Variants in ABAT observed in about 807,000 individuals in gnomAD.
The protein encoded by ABAT is 4-aminobutyrate aminotransferase.
A neutral mutation model predicts 64.6 loss-of-function variants in ABAT; 45 were observed. That is an observed-to-expected ratio of 0.70 (90% CI 0.55 to 0.89). ABAT has a LOEUF of 0.89. Among genes scored for constraint, ABAT ranks in the 40% least tolerant of loss-of-function variants. The pLI is 0.00. For synonymous variants in ABAT, 297 were observed against 250.5 expected, an observed-to-expected ratio of 1.19 and a Z score of -1.75; for missense variants, 633 against 658.4, an observed-to-expected ratio of 0.96 and a Z score of 0.42.
intron 4 of ABAT, among the ~76,000 whole-genome samples, chr16:8,749,710 T>C (rs2059426252): frequency 1.3e-5 from 2 of 150,358 alleles, no homozygotes; most frequent in Middle Eastern, 3.5e-3. Flanking sequence ...TGTTCCTCTT[T>C]TAATGTTTTT....
At chr16:8,779,616 G>A in intron 15 of ABAT, 26 bp downstream of exon 15, 1 of 1,581,238 alleles carries the variant, frequency 6.3e-7, no homozygotes, top group Non-Finnish European at 8.7e-7. Flanking sequence ...TGGCTGCTGA[G>A]TTTCATGAGC....
At chr16:8,746,667 G>C (rs889063790) in intron 3 of ABAT, among the ~76,000 whole-genome samples, 3 of 151,586 alleles carry the variant, frequency 2.0e-5, no homozygotes, top group Non-Finnish European at 4.4e-5. Flanking sequence ...AGGCGAGATG[G>C]TGCCTCTGCA....
At chr16:8,690,670 T>C (rs2141971789) in intron 1 of ABAT, among the ~76,000 whole-genome samples, 1 of 152,316 alleles carries the variant, frequency 6.6e-6, no homozygotes, top group Middle Eastern at 3.4e-3. Context: ...GCCTTTTAAA[T>C]TTGGCAGCCA....
Position 8,764,270 on chromosome 16 carries a change from A to C in ABAT, c.447+121A>C. On this transcript the variant is annotated intron_variant, in intron 7 of 15. Transcript: ENST00000268251. The surrounding 1 kb of genome is among the most constrained non-coding windows in gnomAD (Gnocchi z 4.2). ...TACAGAAATCTTTCTCTCTGAGCTT[A>C]TTCTTCCATGCAGAGTATTTTAAAT... 1 of 881,384 alleles carries C rather than the reference A, an allele frequency of 1.1e-6. No individual in the cohort carries two copies. Among genetic ancestry groups the C allele is most frequent in the Non-Finnish European group, 1.9e-6 (1 of 539,970 alleles). The allele number at this position is 881,384 out of a possible 1,614,324, so 54.6% of individuals were successfully genotyped here. A position where few individuals can be genotyped will look rare whatever the true frequency, so the allele number is the denominator to read the frequency against.
At position 8,754,179 on chromosome 16, in the gene ABAT, T is replaced by TAAAAAAAAAAAAAAAAAAAA. The variant is rs750745519; in HGVS notation, c.317-3571_317-3552dup. On this transcript the variant is annotated intron_variant, in intron 5 of 15. Coordinates refer to ENST00000268251, the MANE Select transcript of ABAT (RefSeq NM_020686.6). The stretch of plus-strand genomic sequence containing the variant: ...AGCCAACATGTTGAAACCCTGTCTA[T>TAAAAAAAAAAAAAAAAAAAA]AAAAAAAAAAAAAAAAAAAAAAAAA... 3.1e-5 allele frequency among the ~76,000 whole-genome samples: 2 copies of TAAAAAAAAAAAAAAAAAAAA among 63,822 alleles called. 1 individual carries two copies. Among genetic ancestry groups the TAAAAAAAAAAAAAAAAAAAA allele is most frequent in the Non-Finnish European group, 5.7e-5 (2 of 34,896 alleles). The allele number at this position is 63,822 out of a possible 152,430, so 41.9% of individuals were successfully genotyped here. A position where few individuals can be genotyped will look rare whatever the true frequency, so the allele number is the denominator to read the frequency against.
At chr16:8,775,154 G>C in intron 13 of ABAT, 97 bp downstream of exon 13, 2 of 1,532,798 alleles carry the variant, frequency 1.3e-6, no homozygotes, top group Non-Finnish European at 1.8e-6. Context: ...AGCTGGGTGG[G>C]CACTTACTGG....
At chr16:8,738,610 G>GT (rs1481834240) in intron 2 of ABAT, among the ~76,000 whole-genome samples, 2 of 122,050 alleles carry the variant, frequency 1.6e-5, no homozygotes, top group African/African-American at 7.3e-5. Context: ...TTTTGTTTTT[G>GT]TTTTTGTTTT....
intron 1 of ABAT, among the ~76,000 whole-genome samples, chr16:8,728,396 A>C (rs552921419): frequency 7.2e-5 from 11 of 152,296 alleles, no homozygotes; most frequent in African/African-American, 2.6e-4. Context: ...AGACATTCGG[A>C]GTTTCAAAAA....
At position 8,735,823 on chromosome 16, in the gene ABAT, G is replaced by T; in HGVS notation, c.70+14G>T. Reference sequence around the variant, plus strand: ...TGCTGGTGCCTGGTAAGCCCCGGGGGTCTTGATAAGAACTGGTACTAATGG... The same window carrying T: ...TGCTGGTGCCTGGTAAGCCCCGGGGTTCTTGATAAGAACTGGTACTAATGG... On this transcript the variant is annotated intron_variant, in intron 2 of 15. Transcript: ENST00000268251. 6.3e-7 allele frequency: 1 copy of T among 1,591,040 alleles called. No individual in the cohort carries two copies. The highest frequency in any genetic ancestry group is 8.6e-7 in the Non-Finnish European group (1 of 1,168,140).
chr16:8,698,583 C>A (rs1235099865), intron 1 of ABAT, among the ~76,000 whole-genome samples: 1 of 152,144 alleles, frequency 6.6e-6, no homozygotes, highest in Non-Finnish European at 1.5e-5. Context: ...ATCCACCTGC[C>A]TCAGCCTCCT....
At chr16:8,735,305 G>A (rs1354011426) in intron 1 of ABAT, among the ~76,000 whole-genome samples, 1 of 151,958 alleles carries the variant, frequency 6.6e-6, no homozygotes, top group Non-Finnish European at 1.5e-5. Flanking sequence ...AGGCTGGAGA[G>A]CAGTGGCGCG....
chr16:8,688,078 T>TG (rs955544452), intron 1 of ABAT, among the ~76,000 whole-genome samples: 4 of 151,620 alleles, frequency 2.6e-5, no homozygotes, highest in Non-Finnish European at 4.4e-5. Context: ...TATTTTTTAT[T>TG]TTTTTTGTAG....
At position 8,733,672 on chromosome 16, in the gene ABAT, C is replaced by G. The variant is rs1047702431; in HGVS notation, c.-41-2027C>G. Among the ~76,000 whole-genome samples, 6 of 151,830 alleles carry G rather than the reference C, an allele frequency of 4.0e-5. 1 individual carries two copies. Among genetic ancestry groups the G allele is most frequent in the Admixed American group, 3.3e-4 (5 of 15,260 alleles). Reference sequence around the variant, plus strand: ...CAGCGAAACCCCGTCTCCACCAAAACCAGTCAGGCGTGGCGGCGTGAGGCT... The same window carrying G: ...CAGCGAAACCCCGTCTCCACCAAAAGCAGTCAGGCGTGGCGGCGTGAGGCT... On this transcript the variant is annotated intron_variant, in intron 1 of 15. Transcript: ENST00000268251.
At chr16:8,752,929 C>T (rs1194467423) in intron 5 of ABAT, among the ~76,000 whole-genome samples, 2 of 152,142 alleles carry the variant, frequency 1.3e-5, no homozygotes, top group African/African-American at 2.4e-5. Flanking sequence ...TACATTATCT[C>T]ATTAAATGGC....
At chr16:8,694,192 G>C (rs968932141) in intron 1 of ABAT, among the ~76,000 whole-genome samples, 4 of 124,032 alleles carry the variant, frequency 3.2e-5, no homozygotes, top group Non-Finnish European at 6.6e-5. Context: ...ACAATGCCCA[G>C]ATTTTTTTTT....
intron 1 of ABAT, among the ~76,000 whole-genome samples, chr16:8,731,799 G>A (rs1751060982): frequency 1.3e-5 from 2 of 151,720 alleles, no homozygotes; most frequent in African/African-American, 2.4e-5. Flanking sequence ...ACTAAACAAT[G>A]TCCTTTTTTC....
rs374692453 is a variant in ABAT, at chr16:8,779,558, G to A, written c.1349G>A (p.Arg450Gln). 5.5e-5 allele frequency: 88 copies of A among 1,614,026 alleles called. 1 individual carries two copies. The highest frequency in any genetic ancestry group is 3.3e-4 in the Middle Eastern group (2 of 6,084). ...CSFDTPDDSI[R>Q]NKLILIARNK... ...TTCGATACTCCCGATGATTCCATAC[G>A]GAATAAGCTCATTTTAATTGCCAGA... Residue 450 changes from arginine (R) to glutamine (Q), a missense_variant, in exon 15 of 16, where the codon CGG (arginine) becomes CAG (glutamine). Transcript: ENST00000268251.
At chr16:8,745,347 C>T (rs1240358183) in intron 2 of ABAT, among the ~76,000 whole-genome samples, 1 of 152,084 alleles carries the variant, frequency 6.6e-6, no homozygotes, top group Non-Finnish European at 1.5e-5. Flanking sequence ...GTACTGGTCC[C>T]ATTATTTTCT....
chr16:8,735,161 G>A (rs2058880112), intron 1 of ABAT, among the ~76,000 whole-genome samples: 1 of 137,374 alleles, frequency 7.3e-6, no homozygotes, highest in Admixed American at 7.4e-5. Flanking sequence ...GCGATAGAAT[G>A]AGACTCCATC....
Sources: allele counts gnomAD v4.1 joint callset (sites outside exome capture counted in the v4.1 genomes callset), GRCh38; gene constraint gnomAD v4.1.1; non-coding constraint Gnocchi (gnomAD v3.1); transcripts MANE v1.5; gene names NCBI Gene and HGNC (gene_info 2026-07-23, HGNC 2026-07-21).